Variants in GPBP1L1 observed in about 807,000 individuals in gnomAD.
The protein encoded by GPBP1L1 is GC-rich promoter binding protein 1 like 1, also known as vasculin-like protein 1.
Under a neutral mutation model 52.5 loss-of-function variants are expected in GPBP1L1, and 23 were observed. The observed-to-expected ratio is 0.44, with a 90% confidence interval of 0.32 to 0.62. The LOEUF (loss-of-function observed/expected upper bound fraction) is 0.62, where lower values mean the gene tolerates loss of function less well. Ranked by LOEUF, GPBP1L1 falls within the 20% of genes least tolerant of loss-of-function variation. The pLI is 0.06. For missense variants in GPBP1L1, 596 were observed against 579.3 expected (o/e 1.03, Z -0.30); for synonymous variants, 243 against 203.1 (o/e 1.20, Z -1.67).
chr1:45,674,516 A>G (rs1456244076), intron 2 of GPBP1L1, among the ~76,000 whole-genome samples: 1 of 152,214 alleles, frequency 6.6e-6, no homozygotes, highest in East Asian at 1.9e-4. Context: ...CTAACTTAGG[A>G]CGATAGTTCA....
chr1:45,686,778 T>C (rs1010951977), upstream of GPBP1L1: 2 of 152,436 alleles, frequency 1.3e-5, no homozygotes, highest in East Asian at 1.9e-4. Flanking sequence ...AGGCGGCGCA[T>C]GGTCACCTCT....
intron 2 of GPBP1L1, among the ~76,000 whole-genome samples, chr1:45,677,590 C>T (rs1216723223): frequency 2.0e-5 from 3 of 149,396 alleles, no homozygotes; most frequent in Non-Finnish European, 4.5e-5. Context: ...TAAACAAAAT[C>T]CCTGTAGTGG....
intron 4 of GPBP1L1, among the ~76,000 whole-genome samples, chr1:45,657,321 C>A (rs1461748330): frequency 6.6e-6 from 1 of 152,008 alleles, no homozygotes; most frequent in African/African-American, 2.4e-5. Context: ...ATCGCTTGAG[C>A]CCAGGATTTC....
intron 2 of GPBP1L1, among the ~76,000 whole-genome samples, chr1:45,681,896 T>A (rs768282689): frequency 5.3e-5 from 8 of 152,204 alleles, no homozygotes; most frequent in Non-Finnish European, 1.2e-4. Context: ...TGGTGGAAAC[T>A]ATGCTTTGGA....
intron 8 of GPBP1L1, among the ~76,000 whole-genome samples, chr1:45,639,497 C>CA (rs1402405982): frequency 2.0e-5 from 3 of 148,642 alleles, no homozygotes; most frequent in Non-Finnish European, 4.5e-5. Flanking sequence ...GAGGCTGAGG[C>CA]AGGAGGATTC....
intron 6 of GPBP1L1, among the ~76,000 whole-genome samples, chr1:45,643,631 C>T (rs1199394920): frequency 7.2e-6 from 1 of 139,484 alleles, no homozygotes; most frequent in Non-Finnish European, 1.5e-5. Flanking sequence ...CCAAACTTTA[C>T]GATCTGGTAA....
At chr1:45,658,534 A>C (rs973586102) in intron 4 of GPBP1L1, among the ~76,000 whole-genome samples, 3 of 152,368 alleles carry the variant, frequency 2.0e-5, no homozygotes, top group Non-Finnish European at 4.4e-5. Context: ...TAAGGTAGAC[A>C]TTCATGTGGA....
At chr1:45,642,285 C>A (rs1412335875) in intron 7 of GPBP1L1, 142 bp downstream of exon 7, 3 of 639,742 alleles carry the variant, frequency 4.7e-6, no homozygotes, top group Non-Finnish European at 8.4e-6. Context: ...GCAGAATAAC[C>A]CGCTACAGTC....
chr1:45,663,883 TA>T (rs1297675806), intron 2 of GPBP1L1, among the ~76,000 whole-genome samples: 1 of 152,192 alleles, frequency 6.6e-6, no homozygotes, highest in Non-Finnish European at 1.5e-5. Flanking sequence ...ACAGAACGGC[TA>T]ACTGGGAGAC....
At chr1:45,645,022 T>C (rs1358152066) in intron 6 of GPBP1L1, among the ~76,000 whole-genome samples, 1 of 152,200 alleles carries the variant, frequency 6.6e-6, no homozygotes, top group Non-Finnish European at 1.5e-5. Flanking sequence ...TCGTCGTTAT[T>C]ATTATTAATT....
intron 2 of GPBP1L1, among the ~76,000 whole-genome samples, chr1:45,672,955 T>C (rs1038220777): frequency 1.3e-5 from 2 of 152,204 alleles, no homozygotes; most frequent in African/African-American, 4.8e-5. Flanking sequence ...ACTAAAAGTA[T>C]AGACAACTCT....
At chr1:45,647,963 C>T (rs1453606001) in intron 6 of GPBP1L1, among the ~76,000 whole-genome samples, 1 of 151,856 alleles carries the variant, frequency 6.6e-6, no homozygotes, top group African/African-American at 2.4e-5. Flanking sequence ...TTTTTTGAGA[C>T]AGGGTCTCAC....
intron 6 of GPBP1L1, among the ~76,000 whole-genome samples, chr1:45,645,196 G>C (rs897116700): frequency 3.9e-5 from 6 of 152,116 alleles, no homozygotes; most frequent in South Asian, 2.1e-4. Flanking sequence ...ACTATTTCAA[G>C]ATCACAATCC....
chr1:45,688,011 T>C (rs919836326), upstream of GPBP1L1: 8 of 152,218 alleles, frequency 5.3e-5, no homozygotes, highest in African/African-American at 1.9e-4. Flanking sequence ...TTCTGCTGCC[T>C]GGGAGCCCTG....
chr1:45,675,080 C>T (rs867043802), intron 2 of GPBP1L1, among the ~76,000 whole-genome samples: 202 of 152,210 alleles, frequency 1.3e-3, no homozygotes, highest in African/African-American at 4.6e-3. Flanking sequence ...GGGCAGATCA[C>T]AAGGTCAAGA....
intron 2 of GPBP1L1, among the ~76,000 whole-genome samples, chr1:45,671,064 G>T (rs987103424): frequency 6.6e-6 from 1 of 152,024 alleles, no homozygotes; most frequent in African/African-American, 2.4e-5. Flanking sequence ...AAAGTGCTGG[G>T]ATTACAGGCG....
chr1:45,658,311 G>A (rs1347555029), intron 4 of GPBP1L1, among the ~76,000 whole-genome samples: 1 of 152,072 alleles, frequency 6.6e-6, no homozygotes, highest in Admixed American at 6.5e-5. Flanking sequence ...TCACTCCAAA[G>A]GTCTGTTTAC....
upstream of GPBP1L1, chr1:45,687,701 G>GA (rs933752025): frequency 4.6e-5 from 7 of 152,338 alleles, no homozygotes; most frequent in Admixed American, 3.9e-4. Context: ...TCATGGAAGT[G>GA]AAAATCCTGC....
intron 2 of GPBP1L1, among the ~76,000 whole-genome samples, chr1:45,670,100 A>G (rs559975581): frequency 6.6e-6 from 1 of 152,356 alleles, no homozygotes; most frequent in Admixed American, 6.5e-5. Flanking sequence ...ACGTGTAACC[A>G]GTTTTCACCA....
Sources: allele counts gnomAD v4.1 joint callset (sites outside exome capture counted in the v4.1 genomes callset), GRCh38; gene constraint gnomAD v4.1.1; transcripts MANE v1.5; gene names NCBI Gene and HGNC (gene_info 2026-07-23, HGNC 2026-07-21).